Variants in LGSN observed in about 807,000 individuals in gnomAD.
LGSN encodes lengsin, lens protein with glutamine synthetase domain, also known as lengsin.
LGSN carries 21 observed loss-of-function variants against 19.5 expected under a neutral mutation model. The observed-to-expected ratio is 1.07, with a 90% confidence interval of 0.76 to 1.55. LGSN has a LOEUF of 1.55. LGSN is among the 40% of genes most tolerant of loss of function. LGSN has a pLI of 0.00. For missense variants in LGSN, 673 were observed against 608.5 expected (o/e 1.11, Z -1.12); for synonymous variants, 257 against 215.6 (o/e 1.19, Z -1.68).
the LGSN span, among the ~76,000 whole-genome samples, chr6:63,411,833 T>C: frequency 6.6e-6 from 1 of 151,772 alleles, no homozygotes; most frequent in Non-Finnish European, 1.5e-5. Context: ...GGTGACAGAG[T>C]GAGACCCTGT....
intron 2 of LGSN, among the ~76,000 whole-genome samples, chr6:63,289,712 CAGTTATATATAG>C (rs1474794214): frequency 3.3e-5 from 5 of 151,718 alleles, no homozygotes; most frequent in African/African-American, 1.2e-4. Context: ...GGACATATAT[CAGTTATATATAG>C]AGAGCAAGCC....
At chr6:63,470,717 G>A in the LGSN span, among the ~76,000 whole-genome samples, 3 of 151,888 alleles carry the variant, frequency 2.0e-5, no homozygotes, top group Non-Finnish European at 4.4e-5. Flanking sequence ...GCCAGAGATG[G>A]ACATATAATA....
chr6:63,402,829 C>T, the LGSN span, among the ~76,000 whole-genome samples: 1 of 151,410 alleles, frequency 6.6e-6, no homozygotes. Flanking sequence ...AATAAGTAGA[C>T]TTTTGATAAA....
At chr6:63,498,198 G>A in the LGSN span, among the ~76,000 whole-genome samples, 4 of 151,926 alleles carry the variant, frequency 2.6e-5, no homozygotes, top group Non-Finnish European at 4.4e-5. Flanking sequence ...GATTACAGAC[G>A]TGAGCCACCG....
At chr6:63,412,020 G>A in the LGSN span, among the ~76,000 whole-genome samples, 10 of 152,114 alleles carry the variant, frequency 6.6e-5, no homozygotes, top group South Asian at 1.7e-3. Flanking sequence ...TTATACTAAA[G>A]GTAAAGAGAA....
the LGSN span, among the ~76,000 whole-genome samples, chr6:63,352,281 C>T: frequency 1.3e-4 from 20 of 152,078 alleles, no homozygotes; most frequent in Admixed American, 1.2e-3. Context: ...GATATTTATG[C>T]GCAAATCCAT....
chr6:63,286,596 C>T (rs189194561), intron 2 of LGSN, among the ~76,000 whole-genome samples: 1 of 152,264 alleles, frequency 6.6e-6, no homozygotes, highest in Admixed American at 6.5e-5. Flanking sequence ...AGAATGCAGA[C>T]TTTTGATTCA....
the LGSN span, among the ~76,000 whole-genome samples, chr6:63,475,133 G>A: frequency 6.6e-6 from 1 of 151,900 alleles, no homozygotes; most frequent in Non-Finnish European, 1.5e-5. Context: ...TATCAAAAAG[G>A]ATTTGTTTTA....
In LGSN at chr6:63,277,361, A is replaced by C. The variant is rs939671001; in HGVS notation, c.*2660T>G. On this transcript the variant is annotated 3_prime_UTR_variant, in exon 4 of 4. Transcript: ENST00000370657. Reference sequence around the variant, plus strand: ...TTTGGATGTGTGGATCCCTTTGATTAACTCAGATTATCCTCTCTAGAAGTG... The same window carrying C: ...TTTGGATGTGTGGATCCCTTTGATTCACTCAGATTATCCTCTCTAGAAGTG... 3 of 152,080 alleles carry C rather than the reference A, an allele frequency of 2.0e-5. No homozygotes were observed. The highest frequency in any genetic ancestry group is 2.9e-5 in the Non-Finnish European group (2 of 68,006). 9.4% of individuals were successfully genotyped at this position (152,080 alleles called of 1,614,324 possible).
the LGSN span, among the ~76,000 whole-genome samples, chr6:63,423,909 G>A: frequency 1.1e-4 from 17 of 152,060 alleles, no homozygotes; most frequent in East Asian, 2.7e-3. Flanking sequence ...GCATGGTGGC[G>A]CATGCCTGTA....
chr6:63,520,104 A>G, the LGSN span, among the ~76,000 whole-genome samples: 7 of 152,202 alleles, frequency 4.6e-5, no homozygotes, highest in Non-Finnish European at 7.3e-5. Context: ...AACAAAAACT[A>G]ACCACTGGAT....
intron 2 of LGSN, chr6:63,293,980 C>A: frequency 2.9e-6 from 1 of 349,618 alleles, no homozygotes; most frequent in Non-Finnish European, 5.6e-6. Flanking sequence ...AAATGAGGGG[C>A]AATGGGAGTG....
At chr6:63,537,209 G>A in the LGSN span, among the ~76,000 whole-genome samples, 1 of 152,142 alleles carries the variant, frequency 6.6e-6, no homozygotes, top group East Asian at 1.9e-4. Context: ...AGTATTTCCT[G>A]GTCGAGGCAA....
chr6:63,466,026 G>A, the LGSN span, among the ~76,000 whole-genome samples: 5,784 of 152,234 alleles, frequency 0.038, 369 homozygotes, highest in African/African-American at 0.13. Context: ...CTGGAGTGCC[G>A]TAGCACCATC....
the LGSN span, among the ~76,000 whole-genome samples, chr6:63,368,143 A>T: frequency 6.6e-6 from 1 of 152,026 alleles, no homozygotes; most frequent in Non-Finnish European, 1.5e-5. Flanking sequence ...AAGAGGGAGC[A>T]ACTTTGAATT....
intron 1 of LGSN, among the ~76,000 whole-genome samples, chr6:63,316,571 T>C (rs1338902777): frequency 6.6e-6 from 1 of 152,172 alleles, no homozygotes; most frequent in African/African-American, 2.4e-5. Flanking sequence ...TTTTGTTTTA[T>C]TTAGTATGTT....
At chr6:63,407,419 T>C in the LGSN span, among the ~76,000 whole-genome samples, 1 of 152,156 alleles carries the variant, frequency 6.6e-6, no homozygotes. Flanking sequence ...ACAGAACCAA[T>C]GACAAAAACC....
At chr6:63,297,596 T>A (rs1768026734) in intron 1 of LGSN, among the ~76,000 whole-genome samples, 2 of 152,154 alleles carry the variant, frequency 1.3e-5, no homozygotes, top group South Asian at 4.1e-4. Flanking sequence ...TTCTCCTTAA[T>A]CCTTGATCTT....
chr6:63,342,336 A>G, the LGSN span, among the ~76,000 whole-genome samples: 2 of 152,200 alleles, frequency 1.3e-5, no homozygotes, highest in Non-Finnish European at 2.9e-5. Flanking sequence ...TTCAGTTCAA[A>G]CGATTTAAGC....
Sources: gnomAD v4.1 joint callset for allele counts (sites outside exome capture counted in the v4.1 genomes callset) on GRCh38, gnomAD v4.1.1 for gene constraint, MANE v1.5 for transcripts, NCBI Gene and HGNC (gene_info 2026-07-23, HGNC 2026-07-21) for gene names.